The following STAM variants were observed in gnomAD, a reference collection of about 807,000 sequenced individuals.
The protein encoded by STAM is signal transducing adapter molecule 1.
Under a neutral mutation model 63.4 loss-of-function variants are expected in STAM, and 16 were observed. The ratio of observed to expected loss-of-function variants is 0.25; its 90% confidence interval spans 0.17 to 0.38. The LOEUF is 0.38. Ranked by LOEUF, STAM falls within the 10% of genes least tolerant of loss-of-function variation. The pLI is 1.00. For synonymous variants in STAM, 238 were observed against 223.9 expected (o/e 1.06, Z -0.56); for missense variants, 636 against 657.1 (o/e 0.97, Z 0.35).
At chr10:17,657,355 C>T (rs1554822274) in intron 1 of STAM, among the ~76,000 whole-genome samples, 1 of 152,156 alleles carries the variant, frequency 6.6e-6, no homozygotes, top group Non-Finnish European at 1.5e-5. Flanking sequence ...CTGCTCGTAC[C>T]TGTCTTACTA....
At chr10:17,679,812 T>C (rs1458109919) in intron 2 of STAM, among the ~76,000 whole-genome samples, 1 of 152,084 alleles carries the variant, frequency 6.6e-6, no homozygotes, top group East Asian at 1.9e-4. Flanking sequence ...TTAGTTTCGG[T>C]AGTTTCCTGT....
intron 13 of STAM, among the ~76,000 whole-genome samples, chr10:17,713,191 T>C (rs1026437774): frequency 6.6e-6 from 1 of 152,206 alleles, no homozygotes; most frequent in African/African-American, 2.4e-5. Flanking sequence ...CTCAGCCTCA[T>C]TTGCCTCTTG....
intron 2 of STAM, among the ~76,000 whole-genome samples, chr10:17,666,220 ACAT>A (rs1834368754): frequency 6.6e-6 from 1 of 152,178 alleles, no homozygotes. Flanking sequence ...AAGGTGGAAA[ACAT>A]CATGTAACTT....
intron 1 of STAM, among the ~76,000 whole-genome samples, chr10:17,653,758 C>T (rs566871381): frequency 1.3e-5 from 2 of 152,248 alleles, no homozygotes; most frequent in East Asian, 3.9e-4. Flanking sequence ...TGTGCAAAGG[C>T]TTTATGCAAA....
At chr10:17,673,086 A>T (rs1834706519) in intron 2 of STAM, 7 of 970,376 alleles carry the variant, frequency 7.2e-6, no homozygotes, top group Non-Finnish European at 8.6e-6. Flanking sequence ...CAGGTAGGTG[A>T]TGGAAACCTT....
chr10:17,708,321 C>T (rs1836392256), intron 12 of STAM, among the ~76,000 whole-genome samples: 1 of 152,170 alleles, frequency 6.6e-6, no homozygotes, highest in Non-Finnish European at 1.5e-5. Context: ...AGTTTGCTGA[C>T]CCCTGCTTTA....
chr10:17,662,316 A>T (rs1039669479), intron 2 of STAM, among the ~76,000 whole-genome samples: 1 of 151,792 alleles, frequency 6.6e-6, no homozygotes, highest in African/African-American at 2.4e-5. Context: ...TTTCTTGAGG[A>T]TGGAATGTTT....
At chr10:17,706,803 C>T (rs191477248) in intron 12 of STAM, among the ~76,000 whole-genome samples, 3 of 151,956 alleles carry the variant, frequency 2.0e-5, no homozygotes, top group Admixed American at 6.5e-5. Context: ...AAAGTAGTTT[C>T]GTAAAAAACA....
chr10:17,658,535 T>G (rs1392993158), intron 1 of STAM, among the ~76,000 whole-genome samples: 1 of 152,176 alleles, frequency 6.6e-6, no homozygotes, highest in Non-Finnish European at 1.5e-5. Flanking sequence ...CTTCTTTTTT[T>G]GGTCTTGCTC....
At chr10:17,675,005 T>C (rs1301838373) in intron 2 of STAM, among the ~76,000 whole-genome samples, 1 of 152,204 alleles carries the variant, frequency 6.6e-6, no homozygotes, top group African/African-American at 2.4e-5. Context: ...ATTATGACTT[T>C]TGACATGGAA....
chr10:17,714,471 A>G, intron 13 of STAM, 72 bp from the exon 14 acceptor site: 1 of 1,383,122 alleles, frequency 7.2e-7, no homozygotes, highest in Non-Finnish European at 1.0e-6. Flanking sequence ...CTTAGTAAAT[A>G]GCTTTTCCAT....
At chr10:17,678,298 A>G (rs1339250676) in intron 2 of STAM, among the ~76,000 whole-genome samples, 1 of 150,396 alleles carries the variant, frequency 6.6e-6, no homozygotes, top group Non-Finnish European at 1.5e-5. Context: ...TGTGTTGCCC[A>G]GGCTAGAATG....
intron 2 of STAM, among the ~76,000 whole-genome samples, chr10:17,683,923 T>G (rs1413507159): frequency 6.6e-6 from 1 of 152,242 alleles, no homozygotes; most frequent in African/African-American, 2.4e-5. Flanking sequence ...CTTTATTTTT[T>G]CAGAAGTGGT....
chr10:17,656,370 G>A (rs1833940817), intron 1 of STAM, among the ~76,000 whole-genome samples: 1 of 151,558 alleles, frequency 6.6e-6, no homozygotes, highest in South Asian at 2.1e-4. Context: ...GAAATCAAAA[G>A]CACATTGGAA....
intron 13 of STAM, among the ~76,000 whole-genome samples, chr10:17,709,562 T>C (rs1836460852): frequency 6.6e-6 from 1 of 152,190 alleles, no homozygotes; most frequent in East Asian, 1.9e-4. Context: ...ATGATTATTG[T>C]GTGTTTTTTC....
chr10:17,700,946 T>C (rs1554828362), intron 9 of STAM, among the ~76,000 whole-genome samples: 1 of 152,256 alleles, frequency 6.6e-6, no homozygotes, highest in East Asian at 1.9e-4. Context: ...TCATGATTCC[T>C]CCTTGTGTTG....
rs531594893 is a variant in STAM, at chr10:17,646,069, T to C, written c.40+1690T>C. On this transcript the variant is annotated intron_variant, in intron 1 of 13. Coordinates refer to ENST00000377524, the MANE Select transcript of STAM (RefSeq NM_003473.4). ...TCAAACACAGGCACCTTCTTGCCTT[T>C]ATGCTTTTGTCCTACGCTTATGCTT... 2.0e-5 allele frequency among the ~76,000 whole-genome samples: 3 copies of C among 152,368 alleles called. No individual in the cohort carries two copies. In the East Asian group the frequency reaches 5.8e-4, roughly 29 times the overall value.
At position 17,699,559 on chromosome 10, in the gene STAM, G is replaced by A. The variant is rs140097194; in HGVS notation, c.824-632G>A. On this transcript the variant is annotated intron_variant, in intron 8 of 13. Transcript: ENST00000377524. The stretch of plus-strand genomic sequence containing the variant: ...GCCAATGAATTGTTGATCCCTCAAT[G>A]ACCACTTTTTAATGTCAAATGATAA... Among the ~76,000 whole-genome samples, 550 of 152,302 alleles carry A rather than the reference G, an allele frequency of 3.6e-3. 3 individuals are homozygous for A. Among genetic ancestry groups the A allele is most frequent in the African/African-American group, 0.013 (523 of 41,562 alleles).
At chr10:17,700,659 G>A (rs1835954331) in intron 9 of STAM, among the ~76,000 whole-genome samples, 1 of 151,144 alleles carries the variant, frequency 6.6e-6, no homozygotes, top group Non-Finnish European at 1.5e-5. Context: ...CTATTGAGTT[G>A]AAGGATTTGT....
Sources: gnomAD v4.1 joint callset for allele counts (sites outside exome capture counted in the v4.1 genomes callset) on GRCh38, gnomAD v4.1.1 for gene constraint, MANE v1.5 for transcripts, NCBI Gene and HGNC (gene_info 2026-07-23, HGNC 2026-07-21) for gene names.